The following CDC27 variants were observed in gnomAD, a reference collection of about 807,000 sequenced individuals.
The protein encoded by CDC27 is cell division cycle 27.
A neutral mutation model predicts 109.7 loss-of-function variants in CDC27; 27 were observed. That is an observed-to-expected ratio of 0.25 (90% CI 0.18 to 0.34). CDC27 has a LOEUF of 0.34. Ranked by LOEUF, CDC27 falls within the 10% of genes least tolerant of loss-of-function variation. The pLI, the probability that CDC27 is intolerant of heterozygous loss-of-function variation, is 1.00. For missense variants in CDC27, 579 were observed against 960.2 expected, an observed-to-expected ratio of 0.60 and a Z score of 5.25; for synonymous variants, 266 against 333.9, an observed-to-expected ratio of 0.80 and a Z score of 2.22.
chr17:47,183,460 A>C (rs1321583047), intron 1 of CDC27, among the ~76,000 whole-genome samples: 2 of 152,220 alleles, frequency 1.3e-5, no homozygotes, highest in East Asian at 3.8e-4. Context: ...TCCTCAAGAA[A>C]GAACAGTAAT....
intron 4 of CDC27, among the ~76,000 whole-genome samples, chr17:47,162,318 G>A (rs1041660470): frequency 6.6e-6 from 1 of 152,086 alleles, no homozygotes; most frequent in Admixed American, 6.6e-5. Context: ...CCTAATTAAT[G>A]TCTTGCCTCT....
intron 14 of CDC27, among the ~76,000 whole-genome samples, chr17:47,134,631 A>C (rs1474651753): frequency 6.6e-6 from 1 of 151,980 alleles, no homozygotes; most frequent in African/African-American, 2.4e-5. Context: ...ACGCATCACC[A>C]CACCCAGCTA....
At chr17:47,176,327 AT>A (rs2148984499) in intron 2 of CDC27, among the ~76,000 whole-genome samples, 1 of 152,090 alleles carries the variant, frequency 6.6e-6, no homozygotes, top group Admixed American at 6.5e-5. Flanking sequence ...ACTGTTGAAC[AT>A]TTCATCTACA....
At chr17:47,186,866 T>C (rs933711195) in intron 1 of CDC27, among the ~76,000 whole-genome samples, 19 of 152,218 alleles carry the variant, frequency 1.2e-4, no homozygotes, top group Admixed American at 1.3e-4. Flanking sequence ...ATTTTCCAAC[T>C]TACTCTCATT....
chr17:47,175,029 AAG>A (rs200785494), intron 2 of CDC27, among the ~76,000 whole-genome samples: 182 of 143,764 alleles, frequency 1.3e-3, no homozygotes, highest in African/African-American at 4.0e-3. Flanking sequence ...GAAAGAGAGA[AAG>A]AGAGAGAGAG....
chr17:47,127,108 T>G (rs541503593), intron 16 of CDC27, among the ~76,000 whole-genome samples: 150 of 152,228 alleles, frequency 9.9e-4, no homozygotes, highest in Admixed American at 1.9e-3. Context: ...AAGAAGGTTT[T>G]TAAAGACTCC....
At chr17:47,164,993 C>A (rs1417123387) in intron 4 of CDC27, among the ~76,000 whole-genome samples, 1 of 152,122 alleles carries the variant, frequency 6.6e-6, no homozygotes, top group African/African-American at 2.4e-5. Flanking sequence ...ATAGTTACAT[C>A]CTCACCCTAA....
chr17:47,158,291 C>T lies in CDC27; in HGVS notation c.390G>A (p.Arg130=). The change falls in exon 5 of 19, where the codon CGG becomes CGA. Residue 130 remains arginine, a synonymous_variant. Transcript: ENST00000066544. ...GGTAACATTCTGATCCTTTGGCAAG[C>T]CGATCTGTCTTGCTGTGGAGAGAAA... ...LLGHVYCKTD[R]LAKGSECYQK... 1 of 1,555,952 alleles carries T rather than the reference C, an allele frequency of 6.4e-7. No homozygotes were observed. The highest frequency in any genetic ancestry group is 1.7e-4 in the Middle Eastern group (1 of 5,872).
At chr17:47,188,843 C>T in intron 1 of CDC27, 2 of 1,281,660 alleles carry the variant, frequency 1.6e-6, no homozygotes, top group African/African-American at 1.5e-5. Context: ...TCATCTCCCA[C>T]CCCCAGTCAA....
intron 4 of CDC27, among the ~76,000 whole-genome samples, chr17:47,167,048 T>G (rs953371127): frequency 1.3e-5 from 2 of 152,158 alleles, no homozygotes; most frequent in African/African-American, 4.8e-5. Flanking sequence ...AGAGACAAGG[T>G]TTCACCATGT....
At chr17:47,178,574 A>G (rs2064106501) in intron 2 of CDC27, among the ~76,000 whole-genome samples, 1 of 151,480 alleles carries the variant, frequency 6.6e-6, no homozygotes, top group South Asian at 2.1e-4. Context: ...AAAAACCCTG[A>G]AAAGTCACTG....
At chr17:47,172,890 A>G (rs1325854696) in intron 2 of CDC27, among the ~76,000 whole-genome samples, 1 of 152,242 alleles carries the variant, frequency 6.6e-6, no homozygotes, top group East Asian at 1.9e-4. Flanking sequence ...GGGTTATGCA[A>G]TAATACCAGT....
At chr17:47,121,239 C>G (rs1223832887) in intron 18 of CDC27, among the ~76,000 whole-genome samples, 1 of 151,940 alleles carries the variant, frequency 6.6e-6, no homozygotes, top group Non-Finnish European at 1.5e-5. Context: ...GTTTTAACTA[C>G]CAAAACTGCC....
intron 4 of CDC27, among the ~76,000 whole-genome samples, chr17:47,167,810 G>C (rs2063694675): frequency 6.6e-6 from 1 of 152,168 alleles, no homozygotes; most frequent in Admixed American, 6.5e-5. Context: ...AGGTCCCACA[G>C]GTTAAGGGCT....
intron 1 of CDC27, among the ~76,000 whole-genome samples, chr17:47,183,680 A>T (rs758401119): frequency 2.0e-5 from 3 of 152,120 alleles, no homozygotes; most frequent in Admixed American, 2.0e-4. Flanking sequence ...TTAATTTAGG[A>T]GAGTATTTGA....
rs904403336 is a variant in CDC27, at chr17:47,129,334, A to G, written c.2160+59T>C. On this transcript the variant is annotated intron_variant, in intron 16 of 18. Transcript: ENST00000066544. ...AATAACTTTCAGTTTATTGAAAACA[A>G]GGGATAACGTTGTTTTTAAGCAATA... 12 of 1,221,978 alleles carry G rather than the reference A, an allele frequency of 9.8e-6. No individual in the cohort carries two copies. In the African/African-American group the frequency reaches 1.2e-4, roughly 12 times the overall value. The allele number at this position is 1,221,978 out of a possible 1,614,324, so 75.7% of individuals were successfully genotyped here.
intron 2 of CDC27, among the ~76,000 whole-genome samples, chr17:47,174,028 A>G (rs1455756388): frequency 1.3e-5 from 2 of 152,264 alleles, no homozygotes; most frequent in African/African-American, 4.8e-5. Flanking sequence ...CAGGAGGCAG[A>G]GACTGCAGTG....
At chr17:47,156,171 C>A (rs2063298640) in intron 7 of CDC27, among the ~76,000 whole-genome samples, 1 of 151,974 alleles carries the variant, frequency 6.6e-6, no homozygotes, top group Non-Finnish European at 1.5e-5. Flanking sequence ...TGGAGTCTTG[C>A]CCTGTCTCCC....
intron 1 of CDC27, among the ~76,000 whole-genome samples, chr17:47,186,102 T>C (rs865821645): frequency 6.6e-6 from 1 of 152,224 alleles, no homozygotes. Context: ...TACTAGTCTG[T>C]ATGTCTAACT....
Sources: allele counts gnomAD v4.1 joint callset (sites outside exome capture counted in the v4.1 genomes callset), GRCh38; gene constraint gnomAD v4.1.1; transcripts MANE v1.5; gene names NCBI Gene and HGNC (gene_info 2026-07-23, HGNC 2026-07-21).